NUP88: variants seen among roughly 807,000 people sequenced by gnomAD.
NUP88 encodes the protein nucleoporin 88.
Under a neutral mutation model 93.9 loss-of-function variants are expected in NUP88, and 57 were observed. That is an observed-to-expected ratio of 0.61 (90% confidence interval 0.49 to 0.76). The LOEUF is 0.76. NUP88 is among the 30% of genes least tolerant of loss of function. NUP88 has a pLI of 0.00. For synonymous variants in NUP88, 346 were observed against 336.8 expected, an observed-to-expected ratio of 1.03 and a Z score of -0.30; for missense variants, 911 against 901.0, an observed-to-expected ratio of 1.01 and a Z score of -0.14.
intron 7 of NUP88, among the ~76,000 whole-genome samples, chr17:5,401,187 C>A (rs561529467): frequency 1.3e-5 from 2 of 152,110 alleles, no homozygotes; most frequent in East Asian, 3.9e-4. Flanking sequence ...AGTTCAAGAC[C>A]AACCTGACCA....
At chr17:5,387,338 CGTT>C in intron 14 of NUP88, 45 bp downstream of exon 14, 1 of 1,504,762 alleles carries the variant, frequency 6.6e-7, no homozygotes, top group Non-Finnish European at 9.2e-7. Flanking sequence ...TCTTAAATAT[CGTT>C]GTTAGTACCT....
At position 5,404,148 on chromosome 17, in the gene NUP88, C is replaced by G. The variant is rs1406030048; in HGVS notation, c.1143G>C (p.Glu381Asp). 6 of 1,613,988 alleles carry G rather than the reference C, an allele frequency of 3.7e-6. No homozygotes were observed. Among genetic ancestry groups the G allele is most frequent in the Non-Finnish European group, 5.1e-6 (6 of 1,180,014 alleles). ...LELALKLASGEDDPFDSDFSC... is the reference protein window; with the variant it reads ...LELALKLASGDDDPFDSDFSC... Reference sequence around the variant, plus strand: ...AAAAGTCAGAATCAAAAGGGTCATCCTCTCCAGATGCCAGTTTCAAAGCAA... The same window carrying G: ...AAAAGTCAGAATCAAAAGGGTCATCGTCTCCAGATGCCAGTTTCAAAGCAA... The change falls in exon 7 of 17, where the codon GAG (glutamate) becomes GAC (aspartate). Residue 381 changes from glutamate to aspartate, a missense_variant. Transcript: ENST00000573584.
chr17:5,393,119 A>AT (rs35980233), intron 9 of NUP88, among the ~76,000 whole-genome samples: 10 of 150,480 alleles, frequency 6.6e-5, no homozygotes, highest in African/African-American at 2.0e-4. Context: ...CACCCAGCTA[A>AT]TTTTTTTTTT....
Position 5,419,346 on chromosome 17 carries a change from G to A in NUP88, c.297+8C>T, listed in dbSNP as rs752493185. 9.3e-5 allele frequency: 144 copies of A among 1,555,822 alleles called. No homozygotes were observed. Among genetic ancestry groups the A allele is most frequent in the Non-Finnish European group, 1.2e-4 (142 of 1,152,192 alleles). On this transcript the variant is annotated splice_region_variant and intron_variant, in intron 1 of 16. Coordinates refer to ENST00000573584, the MANE Select transcript of NUP88 (RefSeq NM_002532.6). Reference sequence around the variant, plus strand: ...TGAGGGTCACTTCCAAGATCGGCCTGGCATTACCTGGTACTGGGACAGGGC... The same window carrying A: ...TGAGGGTCACTTCCAAGATCGGCCTAGCATTACCTGGTACTGGGACAGGGC...
At position 5,411,361 on chromosome 17, in the gene NUP88, C is replaced by T. The variant is rs536424931; in HGVS notation, c.594-572G>A. 1.4e-4 allele frequency among the ~76,000 whole-genome samples: 21 copies of T among 152,182 alleles called. No individual in the cohort carries two copies. In the East Asian group the frequency reaches 3.3e-3, roughly 24 times the overall value. Reference sequence around the variant, plus strand: ...AGCAGATCACTTGAGGTCAGGAGTTCGTGACCAGCCTGGCCAACATGATGA... The same window carrying T: ...AGCAGATCACTTGAGGTCAGGAGTTTGTGACCAGCCTGGCCAACATGATGA... On this transcript the variant is annotated intron_variant, in intron 3 of 16. Coordinates refer to ENST00000573584, the MANE Select transcript of NUP88 (RefSeq NM_002532.6).
At chr17:5,418,548 G>A (rs961998268) in intron 1 of NUP88, among the ~76,000 whole-genome samples, 7 of 152,128 alleles carry the variant, frequency 4.6e-5, no homozygotes, top group Admixed American at 4.6e-4. Context: ...CACCGCGCCC[G>A]GCCTTCATAA....
chr17:5,415,352 C>T (rs1204798487), intron 2 of NUP88, among the ~76,000 whole-genome samples: 6 of 152,130 alleles, frequency 3.9e-5, no homozygotes, highest in Non-Finnish European at 5.9e-5. Flanking sequence ...CGTATATATA[C>T]ATTTTAGGAT....
rs1427495054 is a variant in NUP88, at chr17:5,416,640, C to G, written c.340G>C (p.Val114Leu). 2 of 1,611,186 alleles carry G rather than the reference C, an allele frequency of 1.2e-6. 1 individual carries two copies. Among genetic ancestry groups the G allele is most frequent in the South Asian group, 2.2e-5 (2 of 89,928 alleles). Residue 114 changes from valine (V) to leucine (L), a missense_variant, in exon 2 of 17, where the codon GTC becomes CTC. By Grantham distance (32) the Val-to-Leu change is conservative. Transcript: ENST00000573584. ...INPPLFEIYQ[V>L]LLSPTQHHVA... is the part of the protein sequence containing the mutation. ...TGATGTTGTGTTGGGCTTAACAAGA[C>G]TTGATAGATTTCAAACAGGGGTGGA...
intron 5 of NUP88, among the ~76,000 whole-genome samples, chr17:5,406,337 T>C (rs921608962): frequency 8.5e-5 from 13 of 152,146 alleles, no homozygotes; most frequent in Non-Finnish European, 1.8e-4. Context: ...ACAAGAAAAC[T>C]TATTTAGTAT....
Position 5,386,202 on chromosome 17 carries a change from G to A in NUP88, c.*4C>T, listed in dbSNP as rs1367414556. ...GTTCAGGTGTGAGTCAGCTCCTGGT[G>A]GTGTCAGAAGTTTACATGATTGCGG... On this transcript the variant is annotated 3_prime_UTR_variant, in exon 17 of 17. Transcript: ENST00000573584. 31 of 1,611,012 alleles carry A rather than the reference G, an allele frequency of 1.9e-5. No homozygotes were observed. Among genetic ancestry groups the A allele is most frequent in the Non-Finnish European group, 2.4e-5 (28 of 1,177,962 alleles).
intron 7 of NUP88, among the ~76,000 whole-genome samples, chr17:5,401,107 G>C (rs970443134): frequency 2.0e-5 from 3 of 151,874 alleles, no homozygotes; most frequent in African/African-American, 7.3e-5. Context: ...TTATTGGCCG[G>C]GTGTGGTGGC....
At chr17:5,404,017 A>T in intron 7 of NUP88, 82 bp downstream of exon 7, 1 of 1,401,718 alleles carries the variant, frequency 7.1e-7, no homozygotes, top group Non-Finnish European at 9.8e-7. Flanking sequence ...CCACAGAACA[A>T]ATACATTACA....
Position 5,414,071 on chromosome 17 carries a change from T to G in NUP88, c.531A>C (p.Ala177=). 1 of 1,613,862 alleles carries G rather than the reference T, an allele frequency of 6.2e-7. No individual in the cohort carries two copies. Among genetic ancestry groups the G allele is most frequent in the Middle Eastern group, 1.6e-4 (1 of 6,062 alleles). The change falls in exon 3 of 17, where the codon GCA becomes GCC. Residue 177 remains alanine (A), a synonymous_variant. Coordinates refer to ENST00000573584, the MANE Select transcript of NUP88 (RefSeq NM_002532.6). The part of the protein sequence containing the change: ...SSTSLTLKHA[A]WYPSEILDPH... ...GATCCAGGATTTCACTTGGATACCA[T>G]GCAGCATGCTTTAGAGTCAGAGAGG...
At chr17:5,413,283 T>G (rs55937135) in intron 3 of NUP88, among the ~76,000 whole-genome samples, 1 of 152,232 alleles carries the variant, frequency 6.6e-6, no homozygotes, top group Non-Finnish European at 1.5e-5. Context: ...AGATGAGTTT[T>G]AAACTGGACA....
At chr17:5,386,871 C>A (rs982327753) in intron 15 of NUP88, 45 bp from the exon 16 acceptor site, 1 of 1,580,332 alleles carries the variant, frequency 6.3e-7, no homozygotes. Flanking sequence ...GTTTGCCACA[C>A]ATTTTCACAG....
chr17:5,419,655 G>A lies in NUP88; in HGVS notation c.-5C>T, dbSNP rs373699333. Reference sequence around the variant, plus strand: ...CGGTCCCTCGGCGGCCGCCATCTTGGCCCAACTGCTCCCCTCACTCCAGTT... The same window carrying A: ...CGGTCCCTCGGCGGCCGCCATCTTGACCCAACTGCTCCCCTCACTCCAGTT... On this transcript the variant is annotated 5_prime_UTR_variant, in exon 1 of 17. Transcript: ENST00000573584. 1.8e-5 allele frequency: 29 copies of A among 1,581,496 alleles called. No individual in the cohort carries two copies. The African/African-American group carries it at 2.8e-4, about 15-fold the overall frequency.
chr17:5,410,010 G>A (rs1340129081), intron 4 of NUP88, among the ~76,000 whole-genome samples: 1 of 152,194 alleles, frequency 6.6e-6, no homozygotes, highest in South Asian at 2.1e-4. Flanking sequence ...GCAATCAGGT[G>A]GCATACCTGT....
chr17:5,410,861 C>T, intron 3 of NUP88, 72 bp from the exon 4 acceptor site: 1 of 911,134 alleles, frequency 1.1e-6, no homozygotes. Flanking sequence ...ACTTTCCTCT[C>T]CATCTAGTCA....
At position 5,413,024 on chromosome 17, in the gene NUP88, T is replaced by C. The variant is rs1913929987; in HGVS notation, c.593+985A>G. On this transcript the variant is annotated intron_variant, in intron 3 of 16. Coordinates refer to ENST00000573584, the MANE Select transcript of NUP88 (RefSeq NM_002532.6). ...TAGTTGTGAAAGATTTGAGATCAAA[T>C]AGCTTTCGACATTCTTATTTTCTTT... Among the ~76,000 whole-genome samples, 3 of 152,348 alleles carry C rather than the reference T, an allele frequency of 2.0e-5. No individual in the cohort carries two copies. The South Asian group carries it at 6.2e-4, about 32-fold the overall frequency.
Sources: allele counts gnomAD v4.1 joint callset (sites outside exome capture counted in the v4.1 genomes callset), GRCh38; gene constraint gnomAD v4.1.1; transcripts MANE v1.5; gene names NCBI Gene and HGNC (gene_info 2026-07-23, HGNC 2026-07-21).